The following CEP63 variants were observed in gnomAD, a reference collection of about 807,000 sequenced individuals.
CEP63 encodes the protein centrosomal protein 63, also known as centrosomal protein of 63 kDa.
A neutral mutation model predicts 89.1 loss-of-function variants in CEP63; 84 were observed. That is an observed-to-expected ratio of 0.94 (90% CI 0.79 to 1.13). The LOEUF is 1.13. Among genes scored for constraint, CEP63 ranks in the 50% most tolerant of loss-of-function variants. The pLI is 0.00. For synonymous variants in CEP63, 267 were observed against 272.5 expected (o/e 0.98, Z 0.20); for missense variants, 838 against 813.3 (o/e 1.03, Z -0.37).
chr3:134,748,863 G>T, the CEP63 span, among the ~76,000 whole-genome samples: 1 of 152,234 alleles, frequency 6.6e-6, no homozygotes, highest in Non-Finnish European at 1.5e-5. Context: ...GTCAGGGAGG[G>T]AGGGGCACCC....
downstream of CEP63, among the ~76,000 whole-genome samples, chr3:134,590,816 G>C (rs932003055): frequency 6.6e-6 from 1 of 152,180 alleles, no homozygotes. Context: ...AATAAAGTCA[G>C]CTACATCAGG....
chr3:134,702,960 T>C, the CEP63 span, among the ~76,000 whole-genome samples: 1 of 152,148 alleles, frequency 6.6e-6, no homozygotes, highest in Non-Finnish European at 1.5e-5. Flanking sequence ...AGCAATCTCA[T>C]TAATGGGTAT....
At chr3:134,738,782 AC>A in the CEP63 span, among the ~76,000 whole-genome samples, 1 of 152,142 alleles carries the variant, frequency 6.6e-6, no homozygotes, top group Non-Finnish European at 1.5e-5. Context: ...AGAATAATGA[AC>A]CCATACAACT....
chr3:134,653,457 C>T, the CEP63 span, among the ~76,000 whole-genome samples: 1 of 152,184 alleles, frequency 6.6e-6, no homozygotes, highest in Non-Finnish European at 1.5e-5. Flanking sequence ...AGAGGTTTAC[C>T]CATGGCCATC....
At chr3:134,735,975 C>G in the CEP63 span, among the ~76,000 whole-genome samples, 1 of 151,964 alleles carries the variant, frequency 6.6e-6, no homozygotes, top group Non-Finnish European at 1.5e-5. Flanking sequence ...AGAAAAATCA[C>G]AAGCCAGTAG....
the CEP63 span, among the ~76,000 whole-genome samples, chr3:134,775,394 CCAG>C: frequency 6.6e-6 from 1 of 152,156 alleles, no homozygotes; most frequent in Admixed American, 6.5e-5. Context: ...GGTAAGGGGG[CCAG>C]CCTTTGGAAT....
At chr3:134,780,272 A>G in the CEP63 span, among the ~76,000 whole-genome samples, 3 of 152,186 alleles carry the variant, frequency 2.0e-5, no homozygotes, top group Non-Finnish European at 4.4e-5. Context: ...TAGTCGAAAT[A>G]TATAATATAA....
the CEP63 span, among the ~76,000 whole-genome samples, chr3:134,693,184 T>C: frequency 6.6e-6 from 1 of 152,176 alleles, no homozygotes; most frequent in East Asian, 1.9e-4. Context: ...AAGAAAGCTG[T>C]TGGGTGGGGC....
Position 134,545,780 on chromosome 3 carries a change from A to G in CEP63, c.750A>G (p.Gln250=). ...TGACTGTCCTACAGGAGCAGCAGCAAAAAGAAGAAAAATTGAGGGAATCTG... is the reference window on the plus strand; with the variant it reads ...TGACTGTCCTACAGGAGCAGCAGCAGAAAGAAGAAAAATTGAGGGAATCTG... The part of the protein sequence containing the change: ...TSMTVLQEQQ[Q]KEEKLRESEK... Residue 250 remains glutamine (Q), a synonymous_variant, in exon 7 of 15, where the codon CAA becomes CAG. Transcript: ENST00000675561. 4 of 1,613,772 alleles carry G rather than the reference A, an allele frequency of 2.5e-6. No individual in the cohort carries two copies. Among genetic ancestry groups the G allele is most frequent in the Non-Finnish European group, 3.4e-6 (4 of 1,179,934 alleles).
At chr3:134,694,392 T>C in the CEP63 span, among the ~76,000 whole-genome samples, 1 of 152,330 alleles carries the variant, frequency 6.6e-6, no homozygotes, top group East Asian at 1.9e-4. Context: ...AAAGTCACTG[T>C]TGTTCCCCAA....
At chr3:134,636,682 T>C in the CEP63 span, among the ~76,000 whole-genome samples, 73 of 152,338 alleles carry the variant, frequency 4.8e-4, no homozygotes, top group African/African-American at 1.7e-3. Flanking sequence ...ACCTGCAGAT[T>C]GGTGAGCTCG....
At chr3:134,696,452 C>A in the CEP63 span, among the ~76,000 whole-genome samples, 1 of 152,218 alleles carries the variant, frequency 6.6e-6, no homozygotes, top group South Asian at 2.1e-4. Context: ...TGGACAAGAC[C>A]AAGCCTTGTG....
chr3:134,640,621 A>T, the CEP63 span, among the ~76,000 whole-genome samples: 1 of 152,202 alleles, frequency 6.6e-6, no homozygotes, highest in Admixed American at 6.5e-5. Context: ...TGAATAAGAA[A>T]GTGGCACATG....
chr3:134,547,762 A>G (rs1267126755), intron 9 of CEP63, among the ~76,000 whole-genome samples: 1 of 151,722 alleles, frequency 6.6e-6, no homozygotes, highest in East Asian at 1.9e-4. Flanking sequence ...GGCGTGCACC[A>G]CCATGCCTGG....
At chr3:134,623,770 A>G in the CEP63 span, among the ~76,000 whole-genome samples, 1 of 152,042 alleles carries the variant, frequency 6.6e-6, no homozygotes, top group Middle Eastern at 3.2e-3. Flanking sequence ...GTCTGTCCTG[A>G]TCTCACTTGA....
the CEP63 span, among the ~76,000 whole-genome samples, chr3:134,762,544 T>C: frequency 6.6e-6 from 1 of 152,124 alleles, no homozygotes; most frequent in African/African-American, 2.4e-5. Context: ...GTAAGAGTCC[T>C]ACTCCAGTAT....
the CEP63 span, chr3:134,619,176 A>C: frequency 6.2e-7 from 1 of 1,613,950 alleles, no homozygotes; most frequent in Non-Finnish European, 8.5e-7. Flanking sequence ...AGGCCAGCAT[A>C]GCCATCACAG....
chr3:134,552,261 T>C, intron 12 of CEP63: 1 of 282,804 alleles, frequency 3.5e-6, no homozygotes, highest in Non-Finnish European at 6.8e-6. Flanking sequence ...TGGAGTGCAA[T>C]GGCGTGATCT....
rs372731094 is a variant in CEP63 at position 134,507,128 on chromosome 3, G to A, written c.64G>A (p.Glu22Lys). ...GHGGGFLTSC[E>K]AELQELMKQI... ...TTATAGGGGATTTTTGACATCTTGT[G>A]AAGCAGAACTACAGGAGCTCATGAA... Residue 22 changes from glutamate to lysine, a missense_variant, in exon 3 of 15, where the codon GAA (glutamate) becomes AAA (lysine). Transcript: ENST00000675561. The A allele has an allele frequency of 6.2e-7, 1 of 1,613,436 alleles. No homozygotes were observed. The highest frequency in any genetic ancestry group is 2.2e-5 in the East Asian group (1 of 44,782).
Sources: gnomAD v4.1 joint callset for allele counts (sites outside exome capture counted in the v4.1 genomes callset) on GRCh38, gnomAD v4.1.1 for gene constraint, MANE v1.5 for transcripts, NCBI Gene and HGNC (gene_info 2026-07-23, HGNC 2026-07-21) for gene names.